Variants in ACSBG1 observed in about 807,000 individuals in gnomAD.
The protein encoded by ACSBG1 is long-chain-fatty-acid--CoA ligase ACSBG1.
Under a neutral mutation model 80.2 loss-of-function variants are expected in ACSBG1, and 39 were observed. The observed-to-expected ratio is 0.49, with a 90% CI of 0.38 to 0.64. ACSBG1 has a LOEUF of 0.64. Ranked by LOEUF, ACSBG1 falls within the 30% of genes least tolerant of loss-of-function variation. ACSBG1 has a pLI of 0.00. For synonymous variants in ACSBG1, 392 were observed against 379.5 expected (o/e 1.03, Z -0.38); for missense variants, 828 against 966.4 (o/e 0.86, Z 1.90).
chr15:78,230,841 C>A (rs974651394), intron 1 of ACSBG1, among the ~76,000 whole-genome samples: 13 of 152,194 alleles, frequency 8.5e-5, no homozygotes, highest in Non-Finnish European at 4.4e-5. Context: ...TAAACTTCCC[C>A]GTCTCAGGTA....
rs764509086 is a variant in ACSBG1 at position 78,178,836 on chromosome 15, C to A, written c.1485-5G>T. 1 of 1,605,056 alleles carries A rather than the reference C, an allele frequency of 6.2e-7. No homozygotes were observed. The highest frequency in any genetic ancestry group is 1.1e-5 in the South Asian group (1 of 90,154). On this transcript the variant is annotated splice_region_variant and splice_polypyrimidine_tract_variant and intron_variant, in intron 10 of 13. Transcript: ENST00000258873. The surrounding 1 kb of genome is among the most constrained non-coding windows in gnomAD (Gnocchi z 4.3). Reference sequence around the variant, plus strand: ...CCGGGCACCAACTTGCCTGAGCTGGCGAGGGAGGGGCCGGGAGACTGGTCA... The same window carrying A: ...CCGGGCACCAACTTGCCTGAGCTGGAGAGGGAGGGGCCGGGAGACTGGTCA...
At position 78,212,002 on chromosome 15, in the gene ACSBG1, T is replaced by G. The variant is rs140689216; in HGVS notation, c.132-3900A>C. On this transcript the variant is annotated intron_variant, in intron 1 of 13. Transcript: ENST00000258873. The stretch of plus-strand genomic sequence containing the variant: ...TTGGTTGGACCTAAACCTTCTCAAG[T>G]TGTCACTATGTGTGTGACACATAAG... 2.0e-3 allele frequency among the ~76,000 whole-genome samples: 308 copies of G among 152,314 alleles called. 2 individuals carry two copies. Among genetic ancestry groups the G allele is most frequent in the Middle Eastern group, 0.014 (4 of 292 alleles).
chr15:78,231,183 C>T (rs1055491077), intron 1 of ACSBG1, among the ~76,000 whole-genome samples: 9 of 152,160 alleles, frequency 5.9e-5, no homozygotes, highest in East Asian at 1.9e-4. Flanking sequence ...TGCAATGGCA[C>T]GATCTCAGCT....
rs1223080837 is a variant in ACSBG1 at position 78,169,496 on chromosome 15, G to A, written c.*1948C>T. The A allele has an allele frequency of 6.6e-6, 1 of 152,220 alleles. No homozygotes were observed. The highest frequency in any genetic ancestry group is 1.5e-5 in the Non-Finnish European group (1 of 68,060). The allele number at this position is 152,220 out of a possible 1,614,324, so 9.4% of individuals were successfully genotyped here. ...GGCACAAGAGAATTTTCCTGGGAAA[G>A]TTCACATCAAAAAGAGTGAATGTGG... On this transcript the variant is annotated 3_prime_UTR_variant, in exon 14 of 14. Coordinates refer to ENST00000258873, the MANE Select transcript of ACSBG1 (RefSeq NM_015162.5).
intron 9 of ACSBG1, among the ~76,000 whole-genome samples, 166 bp downstream of exon 9, chr15:78,180,589 G>A (rs1008456534): frequency 2.0e-5 from 3 of 152,172 alleles, no homozygotes; most frequent in Non-Finnish European, 2.9e-5. Flanking sequence ...CCTGGGAAAC[G>A]CACAGGAGCT....
intron 1 of ACSBG1, among the ~76,000 whole-genome samples, chr15:78,223,179 G>A (rs983337330): frequency 6.7e-6 from 1 of 149,066 alleles, no homozygotes; most frequent in Non-Finnish European, 1.5e-5. Context: ...CAGAAGTCTG[G>A]CTATCTTGAA....
chr15:78,208,099 T>C lies in ACSBG1; in HGVS notation c.135A>G (p.Ser45=), dbSNP rs2075233244. 6.2e-7 allele frequency: 1 copy of C among 1,613,136 alleles called. No homozygotes were observed. Among genetic ancestry groups the C allele is most frequent in the South Asian group, 1.1e-5 (1 of 90,854 alleles). The change falls in exon 2 of 14, where the codon TCA becomes TCG. Residue 45 remains serine, a synonymous_variant. Coordinates refer to ENST00000258873, the MANE Select transcript of ACSBG1 (RefSeq NM_015162.5). ...RTTQEKLKTS[S]LTDRQPLSKE... Reference sequence around the variant, plus strand: ...TGGAGAGTGGCTGCCTGTCAGTCAGTGAGCTGGGGTGGTGAGGGGACCAGG... The same window carrying C: ...TGGAGAGTGGCTGCCTGTCAGTCAGCGAGCTGGGGTGGTGAGGGGACCAGG...
intron 1 of ACSBG1, among the ~76,000 whole-genome samples, chr15:78,214,843 T>C (rs1031748859): frequency 6.6e-6 from 1 of 152,190 alleles, no homozygotes; most frequent in East Asian, 1.9e-4. Context: ...GACTGTCAGA[T>C]TGTTACCCTA....
In ACSBG1 at chr15:78,177,227, A is replaced by G. The variant is rs143167883; in HGVS notation, c.1702+1387T>C. Among the ~76,000 whole-genome samples, 10 of 152,348 alleles carry G rather than the reference A, an allele frequency of 6.6e-5. No homozygotes were observed. The highest frequency in any genetic ancestry group is 1.9e-4 in the African/African-American group (8 of 41,586). Reference sequence around the variant, plus strand: ...GACCAAGGCTGTAGGACTTAGCCGGATATCTATCCCTGTCATAAAGCTATA... The same window carrying G: ...GACCAAGGCTGTAGGACTTAGCCGGGTATCTATCCCTGTCATAAAGCTATA... On this transcript the variant is annotated intron_variant, in intron 11 of 13. Transcript: ENST00000258873. This position sits in a 1 kb window ranked among gnomAD's most constrained non-coding sequence, Gnocchi z 4.1.
At chr15:78,173,939 A>C in intron 12 of ACSBG1, 100 bp from the exon 13 acceptor site, 1 of 1,399,414 alleles carries the variant, frequency 7.1e-7, no homozygotes, top group Non-Finnish European at 9.6e-7. Context: ...GGTGTGAATC[A>C]TGTGAGCTCT....
At chr15:78,228,713 C>T (rs1376552405) in intron 1 of ACSBG1, among the ~76,000 whole-genome samples, 2 of 152,194 alleles carry the variant, frequency 1.3e-5, no homozygotes, top group African/African-American at 4.8e-5. Context: ...ACACCAGCAC[C>T]TTGATTTCCT....
In ACSBG1 at chr15:78,171,450, T is replaced by A; in HGVS notation, c.2169A>T (p.Lys723Asn). The change falls in exon 14 of 14, where the codon AAA (lysine) becomes AAT (asparagine). Residue 723 changes from lysine to asparagine, a missense_variant. Transcript: ENST00000258873. ...CTGCAGGCATAGGCCCTGATTACATTTTTTGCTCTTGGTAAAAGGAGTCAA... is the reference window on the plus strand; with the variant it reads ...CTGCAGGCATAGGCCCTGATTACATATTTTGCTCTTGGTAAAAGGAGTCAA... ...GIIDSFYQEQ[K>N]M The A allele has an allele frequency of 6.2e-7, 1 of 1,613,998 alleles. No homozygotes were observed. The highest frequency in any genetic ancestry group is 1.1e-5 in the South Asian group (1 of 91,074).
chr15:78,189,435 T>G (rs1419468131), intron 5 of ACSBG1, among the ~76,000 whole-genome samples: 2 of 151,574 alleles, frequency 1.3e-5, no homozygotes, highest in Non-Finnish European at 2.9e-5. Context: ...TGTCCAACAA[T>G]GATAGACTGG....
chr15:78,205,642 A>G (rs2075206731), intron 2 of ACSBG1, among the ~76,000 whole-genome samples: 1 of 152,196 alleles, frequency 6.6e-6, no homozygotes, highest in African/African-American at 2.4e-5. Context: ...TGCTACTGAT[A>G]TGAAGATAAA....
rs540033827 is a variant in ACSBG1 at position 78,193,862 on chromosome 15, T to C, written c.542+70A>G. On this transcript the variant is annotated intron_variant, in intron 4 of 13. Coordinates refer to ENST00000258873, the MANE Select transcript of ACSBG1 (RefSeq NM_015162.5). Reference sequence around the variant, plus strand: ...GTGGGTGGGGGCTGCTAAAAAGAGATAAGGACCCTCCCCTACCCTCTGCCC... The same window carrying C: ...GTGGGTGGGGGCTGCTAAAAAGAGACAAGGACCCTCCCCTACCCTCTGCCC... 8 of 1,560,450 alleles carry C rather than the reference T, an allele frequency of 5.1e-6. No individual in the cohort carries two copies. The African/African-American group carries it at 1.1e-4, about 21-fold the overall frequency.
chr15:78,219,970 G>A (rs1176888815), intron 1 of ACSBG1, among the ~76,000 whole-genome samples: 2 of 151,748 alleles, frequency 1.3e-5, no homozygotes, highest in Non-Finnish European at 1.5e-5. Flanking sequence ...GGGCAACAGA[G>A]TGAGACTCCG....
chr15:78,227,767 T>A (rs1332201194), intron 1 of ACSBG1, among the ~76,000 whole-genome samples: 1 of 152,178 alleles, frequency 6.6e-6, no homozygotes, highest in Non-Finnish European at 1.5e-5. Context: ...ATAAAAAAAA[T>A]TGTAGTATAG....
intron 2 of ACSBG1, chr15:78,207,801 C>T: frequency 3.4e-6 from 2 of 586,434 alleles, no homozygotes; most frequent in Non-Finnish European, 6.1e-6. Flanking sequence ...TCCCTCATTC[C>T]TTTCCATCAC....
At chr15:78,185,221 T>A (rs1481383060) in intron 5 of ACSBG1, among the ~76,000 whole-genome samples, 1 of 152,176 alleles carries the variant, frequency 6.6e-6, no homozygotes, top group Non-Finnish European at 1.5e-5. Context: ...GAAATTCTTT[T>A]AGGGTCTTTG....
Sources: gnomAD v4.1 joint callset for allele counts (sites outside exome capture counted in the v4.1 genomes callset) on GRCh38, gnomAD v4.1.1 for gene constraint, Gnocchi (gnomAD v3.1) non-coding constraint, MANE v1.5 for transcripts, NCBI Gene and HGNC (gene_info 2026-07-23, HGNC 2026-07-21) for gene names.